WASHC4: variants seen among roughly 807,000 people sequenced by gnomAD.
The protein encoded by WASHC4 is WASH complex subunit 7.
Under a neutral mutation model 166.6 loss-of-function variants are expected in WASHC4, and 86 were observed. That is an observed-to-expected ratio of 0.52 (90% CI 0.43 to 0.62). The LOEUF is 0.62. Ranked by LOEUF, WASHC4 falls within the 20% of genes least tolerant of loss-of-function variation. The probability of loss-of-function intolerance (pLI) is 0.00; values close to 1 mark genes in which losing one functional copy is unlikely to be tolerated. For missense variants in WASHC4, 1,262 were observed against 1,382.4 expected (o/e 0.91, Z 1.38); for synonymous variants, 446 against 451.6 (o/e 0.99, Z 0.16).
At position 105,114,280 on chromosome 12, in the gene WASHC4, C is replaced by T. The variant is rs1344572067; in HGVS notation, c.255+11C>T. 1 of 1,607,308 alleles carries T rather than the reference C, an allele frequency of 6.2e-7. No individual in the cohort carries two copies. Among genetic ancestry groups the T allele is most frequent in the Non-Finnish European group, 8.5e-7 (1 of 1,175,624 alleles). On this transcript the variant is annotated intron_variant, in intron 3 of 32. Coordinates refer to ENST00000332180, the MANE Select transcript of WASHC4 (RefSeq NM_015275.3). ...AAGACTGAAAACAAGGTACAGAATC[C>T]TAAATCTAAAAAATTGTTTTAAAAA...
At chr12:105,140,511 A>T in intron 16 of WASHC4, 110 bp downstream of exon 16, 1 of 817,422 alleles carries the variant, frequency 1.2e-6, no homozygotes, top group East Asian at 2.5e-5. Context: ...TCCTTCAAAC[A>T]TAATATGCTC....
rs757950977 is a variant in WASHC4, at chr12:105,140,343, T to C, written c.1502T>C (p.Val501Ala). Reference protein sequence around the residue: ...YRRSMVVADSVSHITQHLQHQ... With the variant: ...YRRSMVVADSASHITQHLQHQ... ...AGAAGCATGGTTGTGGCTGATTCAG[T>C]TTCACATATAACACAGCACCTTCAA... Residue 501 changes from valine to alanine, a missense_variant, in exon 16 of 33, where the codon GTT becomes GCT. By Grantham distance (64) the Val-to-Ala change is moderately conservative. Transcript: ENST00000332180. 6.9e-5 allele frequency: 112 copies of C among 1,613,862 alleles called. No homozygotes were observed. The highest frequency in any genetic ancestry group is 9.1e-5 in the Non-Finnish European group (107 of 1,179,864).
In WASHC4 at chr12:105,114,349, C is replaced by T; in HGVS notation, c.256-13C>T. ...CAATTTACTTTTTATTTTGTTTTTA[C>T]TCATGAAACTAGGTCTTAAACAAAG... On this transcript the variant is annotated splice_polypyrimidine_tract_variant and intron_variant, in intron 3 of 32. Coordinates refer to ENST00000332180, the MANE Select transcript of WASHC4 (RefSeq NM_015275.3). 6.3e-7 allele frequency: 1 copy of T among 1,598,862 alleles called. No homozygotes were observed. The highest frequency in any genetic ancestry group is 8.5e-7 in the Non-Finnish European group (1 of 1,170,450).
intron 13 of WASHC4, among the ~76,000 whole-genome samples, chr12:105,133,157 C>G (rs1310776221): frequency 6.6e-6 from 1 of 152,258 alleles, no homozygotes; most frequent in East Asian, 1.9e-4. Flanking sequence ...ACCCCACTCC[C>G]TCCCTCTGTA....
chr12:105,126,997 T>C (rs1156329082), intron 12 of WASHC4, 132 bp from the exon 13 acceptor site: 2 of 739,988 alleles, frequency 2.7e-6, no homozygotes, highest in East Asian at 2.7e-5. Flanking sequence ...TCTCATAATA[T>C]ATTAATAAGT....
intron 24 of WASHC4, chr12:105,147,820 G>A (rs1268262636): frequency 4.6e-5 from 25 of 537,644 alleles, no homozygotes; most frequent in African/African-American, 1.4e-4. Context: ...CAGGAGAATC[G>A]CTTGAACCTG....
intron 13 of WASHC4, among the ~76,000 whole-genome samples, chr12:105,133,052 T>C (rs1034205320): frequency 2.6e-5 from 4 of 152,122 alleles, no homozygotes; most frequent in Non-Finnish European, 5.9e-5. Flanking sequence ...TAAACTTAGA[T>C]CAAGTTACTT....
chr12:105,115,589 T>C (rs1880106771), intron 5 of WASHC4, 72 bp from the exon 6 acceptor site: 4 of 1,143,496 alleles, frequency 3.5e-6, no homozygotes. Context: ...AAAAAACTTT[T>C]CCCCCTTTTT....
intron 12 of WASHC4, 140 bp downstream of exon 12, chr12:105,126,502 A>T: frequency 1.5e-6 from 1 of 659,854 alleles, no homozygotes; most frequent in Non-Finnish European, 2.5e-6. Context: ...TATTCCAGAA[A>T]TAAGTAACTT....
chr12:105,137,895 T>A lies in WASHC4; in HGVS notation c.1336T>A (p.Tyr446Asn). Reference sequence around the variant, plus strand: ...ATGTTTTCCTTTACAGGGCTTCTTGTATGCATATAGTATTAGTACCATTAT... The same window carrying A: ...ATGTTTTCCTTTACAGGGCTTCTTGAATGCATATAGTATTAGTACCATTAT... ...RCNVFIQGFLYAYSISTIIKT... is the reference protein window; with the variant it reads ...RCNVFIQGFLNAYSISTIIKT... Residue 446 changes from tyrosine to asparagine, a missense_variant, in exon 15 of 33, where the codon TAT becomes AAT. Coordinates refer to ENST00000332180, the MANE Select transcript of WASHC4 (RefSeq NM_015275.3). 1 of 1,606,244 alleles carries A rather than the reference T, an allele frequency of 6.2e-7. No individual in the cohort carries two copies. The highest frequency in any genetic ancestry group is 8.5e-7 in the Non-Finnish European group (1 of 1,173,296).
chr12:105,108,216 C>T (rs951341495), intron 1 of WASHC4, among the ~76,000 whole-genome samples: 5 of 152,192 alleles, frequency 3.3e-5, no homozygotes, highest in African/African-American at 9.7e-5. Flanking sequence ...CTGTCTCTGG[C>T]CTCTTGGGGA....
intron 15 of WASHC4, among the ~76,000 whole-genome samples, chr12:105,139,429 A>G (rs11112385): frequency 0.045 from 2,819 of 62,638 alleles, 123 homozygotes; most frequent in East Asian, 0.26. Flanking sequence ...GTGTGTGTAT[A>G]TATATATATA....
chr12:105,121,790 G>A (rs1880778897), intron 9 of WASHC4, among the ~76,000 whole-genome samples: 1 of 152,202 alleles, frequency 6.6e-6, no homozygotes, highest in South Asian at 2.1e-4. Flanking sequence ...ACAGGTGTGA[G>A]CCACCATGCC....
At position 105,142,505 on chromosome 12, in the gene WASHC4, C is replaced by T. The variant is rs764371160; in HGVS notation, c.1840C>T (p.Pro614Ser). Residue 614 changes from proline (P) to serine (S), a missense_variant, in exon 19 of 33, where the codon CCA becomes TCA. Transcript: ENST00000332180. Reference sequence around the variant, plus strand: ...TTTATACTGGCATCGAGCTGTCTTCCCAATTTATTTAGATGATGTATATGA... The same window carrying T: ...TTTATACTGGCATCGAGCTGTCTTCTCAATTTATTTAGATGATGTATATGA... ...CFLYWHRAVFPIYLDDVYENA... is the reference protein window; with the variant it reads ...CFLYWHRAVFSIYLDDVYENA... 1 of 1,610,434 alleles carries T rather than the reference C, an allele frequency of 6.2e-7. No homozygotes were observed. The highest frequency in any genetic ancestry group is 8.5e-7 in the Non-Finnish European group (1 of 1,177,594).
intron 29 of WASHC4, among the ~76,000 whole-genome samples, chr12:105,160,679 A>C (rs1353874289): frequency 6.6e-6 from 1 of 152,168 alleles, no homozygotes; most frequent in Admixed American, 6.5e-5. Flanking sequence ...TTTTTTAAAT[A>C]ATTACTGGAG....
Position 105,142,402 on chromosome 12 carries a change from G to A in WASHC4, c.1788-51G>A, listed in dbSNP as rs1882946720. 2.9e-6 allele frequency: 3 copies of A among 1,030,250 alleles called. No individual in the cohort carries two copies. The Admixed American group carries it at 5.1e-5, about 17-fold the overall frequency. The allele number at this position is 1,030,250 out of a possible 1,614,324, so 63.8% of individuals were successfully genotyped here. ...TAGTAGATGTCATTCCTTTCATATTGTTTTGGGATTCTTCAGTTTTGGTGT... is the reference window on the plus strand; with the variant it reads ...TAGTAGATGTCATTCCTTTCATATTATTTTGGGATTCTTCAGTTTTGGTGT... On this transcript the variant is annotated intron_variant, in intron 18 of 32. Transcript: ENST00000332180.
intron 28 of WASHC4, among the ~76,000 whole-genome samples, chr12:105,159,782 T>G (rs1884380803): frequency 6.6e-6 from 1 of 152,218 alleles, no homozygotes; most frequent in Non-Finnish European, 1.5e-5. Flanking sequence ...AGTCCCAAGA[T>G]GTTCTAATAG....
At position 105,144,222 on chromosome 12, in the gene WASHC4, G is replaced by GT. The variant is rs540352866; in HGVS notation, c.2011-64dup. The stretch of plus-strand genomic sequence containing the variant: ...TTGGTTTAAAATGGAGCATAGACAT[G>GT]TAGGGAAACAATACAATTGCAATAT... On this transcript the variant is annotated intron_variant, in intron 20 of 32. Transcript: ENST00000332180. The GT allele has an allele frequency of 1.5e-3, 1,962 of 1,345,890 alleles. 3 individuals are homozygous for GT. Among genetic ancestry groups the GT allele is most frequent in the Non-Finnish European group, 1.9e-3 (1,774 of 942,876 alleles). 83.4% of individuals were successfully genotyped at this position (1,345,890 alleles called of 1,614,324 possible). A position where few individuals can be genotyped will look rare whatever the true frequency, so the allele number is the denominator to read the frequency against.
chr12:105,123,091 A>T (rs1434531703), intron 10 of WASHC4, among the ~76,000 whole-genome samples: 1 of 152,176 alleles, frequency 6.6e-6, no homozygotes, highest in East Asian at 1.9e-4. Context: ...AGGCACGCAG[A>T]TCACGTGAGG....
Sources: gnomAD v4.1 joint callset for allele counts (sites outside exome capture counted in the v4.1 genomes callset) on GRCh38, gnomAD v4.1.1 for gene constraint, MANE v1.5 for transcripts, NCBI Gene and HGNC (gene_info 2026-07-23, HGNC 2026-07-21) for gene names.